Variants in SOX6 observed in about 807,000 individuals in gnomAD.
SOX6 encodes transcription factor SOX-6.
In SOX6, 11 loss-of-function variants were observed where a neutral mutation model predicts 97.8. That is an observed-to-expected ratio of 0.11 (90% confidence interval 0.07 to 0.19). SOX6 has a LOEUF of 0.19. SOX6 is among the 10% of genes least tolerant of loss of function. The pLI is 1.00. For missense variants in SOX6, 810 were observed against 1,039.5 expected (o/e 0.78, Z 3.04); for synonymous variants, 360 against 371.4 (o/e 0.97, Z 0.35).
At chr11:16,713,739 T>C (rs1848197719) in intron 3 of SOX6, among the ~76,000 whole-genome samples, 1 of 152,174 alleles carries the variant, frequency 6.6e-6, no homozygotes, top group South Asian at 2.1e-4. Flanking sequence ...CACTAAACCA[T>C]GTATCAATTT....
intron 13 of SOX6, among the ~76,000 whole-genome samples, chr11:16,009,803 T>A (rs1854656591): frequency 6.6e-6 from 1 of 152,070 alleles, no homozygotes. Flanking sequence ...CCAAAGTATA[T>A]GCAGTTATAG....
At chr11:16,728,423 A>C (rs1184041154) in intron 2 of SOX6, among the ~76,000 whole-genome samples, 1 of 152,254 alleles carries the variant, frequency 6.6e-6, no homozygotes, top group Non-Finnish European at 1.5e-5. Flanking sequence ...TCTGCCAGTG[A>C]TAGCCAGGCA....
intron 4 of SOX6, among the ~76,000 whole-genome samples, chr11:16,595,816 TA>T (rs1026016639): frequency 6.6e-6 from 1 of 152,010 alleles, no homozygotes; most frequent in African/African-American, 2.4e-5. Context: ...AAAAACCTAA[TA>T]AATGGATTTA....
At chr11:16,474,354 C>A (rs547873078) in intron 1 of SOX6, among the ~76,000 whole-genome samples, 1 of 152,162 alleles carries the variant, frequency 6.6e-6, no homozygotes, top group Non-Finnish European at 1.5e-5. Flanking sequence ...TTTCAATTTA[C>A]GTTGCCCAGA....
intron 4 of SOX6, among the ~76,000 whole-genome samples, chr11:16,198,936 T>C (rs2134124203): frequency 6.6e-6 from 1 of 152,232 alleles, no homozygotes; most frequent in Non-Finnish European, 1.5e-5. Flanking sequence ...TAAGCCACAA[T>C]GTATACTTCC....
At chr11:16,706,814 T>C (rs900627271) in intron 3 of SOX6, among the ~76,000 whole-genome samples, 1 of 152,024 alleles carries the variant, frequency 6.6e-6, no homozygotes, top group Non-Finnish European at 1.5e-5. Flanking sequence ...AAAACCATTT[T>C]TTTTTCTGCT....
At chr11:16,711,488 A>G (rs554230843) in intron 3 of SOX6, among the ~76,000 whole-genome samples, 1 of 152,288 alleles carries the variant, frequency 6.6e-6, no homozygotes, top group Admixed American at 6.5e-5. Flanking sequence ...GTGCTACTGC[A>G]CTCCAGCCTG....
chr11:16,182,095 T>A (rs531813767), intron 6 of SOX6, among the ~76,000 whole-genome samples: 1 of 151,926 alleles, frequency 6.6e-6, no homozygotes, highest in East Asian at 1.9e-4. Context: ...CAATCATATA[T>A]AAGTAATACA....
rs74706516 is a variant in SOX6 at position 16,469,433 on chromosome 11, C to A, written c.-5+6882G>T. 7.5e-3 allele frequency among the ~76,000 whole-genome samples: 1,142 copies of A among 152,088 alleles called. 15 individuals are homozygous for A. Among genetic ancestry groups the A allele is most frequent in the African/African-American group, 0.025 (1,026 of 41,526 alleles). ...ACTTTAAATGTTAAGACAGACAAAG[C>A]AAAAATTCTAGGGTTAAAGATGACC... On this transcript the variant is annotated intron_variant, in intron 1 of 15. Transcript: ENST00000396356.
intron 12 of SOX6, among the ~76,000 whole-genome samples, chr11:16,041,069 T>C (rs551283111): frequency 4.1e-4 from 63 of 152,186 alleles, no homozygotes; most frequent in Non-Finnish European, 5.0e-4. Flanking sequence ...GAGAATAGGT[T>C]GACATAGAAA....
chr11:16,527,815 C>T (rs1200813440), intron 4 of SOX6, among the ~76,000 whole-genome samples: 2 of 152,078 alleles, frequency 1.3e-5, no homozygotes, highest in Admixed American at 6.6e-5. Flanking sequence ...AGCCAACCTG[C>T]AAACCCATCA....
At chr11:16,049,035 A>G (rs1024397298) in intron 11 of SOX6, among the ~76,000 whole-genome samples, 5 of 152,178 alleles carry the variant, frequency 3.3e-5, no homozygotes, top group Non-Finnish European at 7.4e-5. Flanking sequence ...GGCATTTAAT[A>G]TGCATTTTTC....
At chr11:16,678,448 C>T (rs1003871291) in intron 3 of SOX6, among the ~76,000 whole-genome samples, 24 of 152,138 alleles carry the variant, frequency 1.6e-4, no homozygotes, top group African/African-American at 5.8e-4. Flanking sequence ...GCTATTCTTG[C>T]ATTGCCATAA....
At chr11:16,041,827 T>A (rs565010091) in intron 12 of SOX6, among the ~76,000 whole-genome samples, 1 of 152,118 alleles carries the variant, frequency 6.6e-6, no homozygotes, top group Non-Finnish European at 1.5e-5. Context: ...AATATGCATA[T>A]CCTGACTTTG....
intron 6 of SOX6, among the ~76,000 whole-genome samples, chr11:16,176,070 CGGATGGATGGATGGAT>C (rs71826187): frequency 8.1e-5 from 12 of 148,422 alleles, no homozygotes; most frequent in South Asian, 2.2e-4. Context: ...GACGGACGGA[CGGATGGATGGATGGAT>C]GGATGGATGG....
intron 4 of SOX6, among the ~76,000 whole-genome samples, chr11:16,589,168 A>T (rs1036318156): frequency 2.0e-5 from 3 of 152,214 alleles, no homozygotes; most frequent in Non-Finnish European, 2.9e-5. Flanking sequence ...TGTCATCTGG[A>T]GACCATGCAT....
At chr11:16,641,704 T>G (rs1177750383) in intron 3 of SOX6, among the ~76,000 whole-genome samples, 1 of 152,214 alleles carries the variant, frequency 6.6e-6, no homozygotes, top group Admixed American at 6.5e-5. Flanking sequence ...TTAAAGTCTG[T>G]TTTATCAGAG....
intron 4 of SOX6, among the ~76,000 whole-genome samples, chr11:16,538,731 C>T (rs1341455808): frequency 3.3e-5 from 5 of 152,068 alleles, no homozygotes; most frequent in Admixed American, 6.6e-5. Flanking sequence ...ACAAAGAAGA[C>T]CATTACATAA....
chr11:16,418,158 A>G (rs1242912323), intron 1 of SOX6, among the ~76,000 whole-genome samples: 1 of 152,210 alleles, frequency 6.6e-6, no homozygotes, highest in African/African-American at 2.4e-5. Context: ...TGATAAAACT[A>G]CTGAAATTGC....
Sources: gnomAD v4.1 joint callset for allele counts (sites outside exome capture counted in the v4.1 genomes callset) on GRCh38, gnomAD v4.1.1 for gene constraint, MANE v1.5 for transcripts, NCBI Gene and HGNC (gene_info 2026-07-23, HGNC 2026-07-21) for gene names.